The following LRRC40 variants were observed in gnomAD, a reference collection of about 807,000 sequenced individuals.
LRRC40 encodes the protein leucine-rich repeat-containing protein 40.
Under a neutral mutation model 72.8 loss-of-function variants are expected in LRRC40, and 76 were observed. The ratio of observed to expected loss-of-function variants is 1.04; its 90% confidence interval spans 0.87 to 1.26. The LOEUF (loss-of-function observed/expected upper bound fraction) is 1.26. LRRC40 is among the 50% of genes most tolerant of loss of function. The pLI, the probability that LRRC40 is intolerant of heterozygous loss-of-function variation, is 0.00. For synonymous variants in LRRC40, 243 were observed against 254.2 expected (o/e 0.96, Z 0.42); for missense variants, 684 against 698.9 (o/e 0.98, Z 0.24).
At chr1:70,185,712 T>C (rs1668345921) in intron 3 of LRRC40, among the ~76,000 whole-genome samples, 2 of 152,316 alleles carry the variant, frequency 1.3e-5, no homozygotes, top group South Asian at 2.1e-4. Context: ...CTATTTCTGT[T>C]TGAGGACCTA....
intron 1 of LRRC40, among the ~76,000 whole-genome samples, chr1:70,195,940 A>C (rs533536232): frequency 2.3e-4 from 35 of 152,160 alleles, no homozygotes; most frequent in Admixed American, 7.2e-4. Context: ...CAGGACCTAT[A>C]CTTACTACTA....
At chr1:70,163,330 G>A (rs1230683143) in intron 9 of LRRC40, among the ~76,000 whole-genome samples, 3 of 151,838 alleles carry the variant, frequency 2.0e-5, no homozygotes, top group Admixed American at 6.6e-5. Flanking sequence ...CTTCTGATCC[G>A]CCCACCTCGG....
intron 4 of LRRC40, among the ~76,000 whole-genome samples, chr1:70,184,264 T>A (rs973446387): frequency 3.3e-5 from 5 of 152,068 alleles, no homozygotes; most frequent in African/African-American, 1.2e-4. Flanking sequence ...AATAAAATAA[T>A]AATAAAAATA....
intron 14 of LRRC40, among the ~76,000 whole-genome samples, chr1:70,146,800 A>G (rs1432699708): frequency 6.6e-6 from 1 of 152,116 alleles, no homozygotes; most frequent in Admixed American, 6.5e-5. Context: ...ACATATATAA[A>G]TCTATTTACA....
intron 12 of LRRC40, 152 bp downstream of exon 12, chr1:70,152,281 A>G: frequency 2.0e-6 from 1 of 491,344 alleles, no homozygotes; most frequent in Non-Finnish European, 3.6e-6. Flanking sequence ...TTTCCTAAAC[A>G]CTATTTTTGG....
intron 10 of LRRC40, among the ~76,000 whole-genome samples, chr1:70,156,417 T>C (rs1383098994): frequency 1.3e-5 from 2 of 152,144 alleles, no homozygotes; most frequent in African/African-American, 4.8e-5. Flanking sequence ...CTTTATAACT[T>C]ACCTCCCCTG....
intron 1 of LRRC40, 74 bp downstream of exon 1, chr1:70,205,316 A>C: frequency 2.4e-5 from 34 of 1,401,768 alleles, no homozygotes; most frequent in African/African-American, 2.8e-5. Context: ...AAGCCAGCCC[A>C]GAGAAAAGGG....
In LRRC40 at chr1:70,189,328, C is replaced by T. The variant is rs138214141; in HGVS notation, c.152-55G>A. The T allele has an allele frequency of 5.2e-3, 6,677 of 1,290,318 alleles. 37 individuals are homozygous for T. Among genetic ancestry groups the T allele is most frequent in the Non-Finnish European group, 5.6e-3 (5,401 of 958,482 alleles). The allele number at this position is 1,290,318 out of a possible 1,614,324, so 79.9% of individuals were successfully genotyped here. On this transcript the variant is annotated intron_variant, in intron 1 of 14. Coordinates refer to ENST00000370952, the MANE Select transcript of LRRC40 (RefSeq NM_017768.5). ...AAAAAAAAAAAAAAAAAGATGAAAA[C>T]CAGAACTAGATACTAAGTGACATGC...
rs1278077122 is a variant in LRRC40 at position 70,205,372 on chromosome 1, C to T, written c.151+18G>A. ...TTTCTGACAGGAGACACAATAGGGT[C>T]GTACCTCTGGGTCTTACCTTCACTG... On this transcript the variant is annotated intron_variant, in intron 1 of 14. Coordinates refer to ENST00000370952, the MANE Select transcript of LRRC40 (RefSeq NM_017768.5). 6.4e-7 allele frequency: 1 copy of T among 1,563,418 alleles called. No individual in the cohort carries two copies. The highest frequency in any genetic ancestry group is 8.7e-7 in the Non-Finnish European group (1 of 1,143,224).
At chr1:70,148,427 CA>C (rs1420696121) in intron 14 of LRRC40, 59 bp downstream of exon 14, 1 of 1,077,412 alleles carries the variant, frequency 9.3e-7, no homozygotes, top group South Asian at 2.6e-5. Flanking sequence ...AAAAGAAAAA[CA>C]AATCACTTCA....
rs1368844625 is a variant in LRRC40 at position 70,151,119 on chromosome 1, T to C, written c.1517+9A>G. On this transcript the variant is annotated intron_variant, in intron 13 of 14. Transcript: ENST00000370952. Reference sequence around the variant, plus strand: ...ACAGAATAACAATTAGAATTGTCTGTTCTCTTACCTATTAAAGGAAAGATT... The same window carrying C: ...ACAGAATAACAATTAGAATTGTCTGCTCTCTTACCTATTAAAGGAAAGATT... 6.9e-7 allele frequency: 1 copy of C among 1,445,622 alleles called. No individual in the cohort carries two copies. Among genetic ancestry groups the C allele is most frequent in the Non-Finnish European group, 9.7e-7 (1 of 1,030,908 alleles). 89.5% of individuals were successfully genotyped at this position (1,445,622 alleles called of 1,614,324 possible).
At chr1:70,200,225 G>C (rs927910185) in intron 1 of LRRC40, among the ~76,000 whole-genome samples, 2 of 152,092 alleles carry the variant, frequency 1.3e-5, no homozygotes, top group Non-Finnish European at 2.9e-5. Context: ...CCAGTACTTC[G>C]GGAGGCCAAG....
chr1:70,194,968 G>T (rs1388634055), intron 1 of LRRC40, among the ~76,000 whole-genome samples: 1 of 151,950 alleles, frequency 6.6e-6, no homozygotes, highest in African/African-American at 2.4e-5. Context: ...TAATAAAAAA[G>T]GAATCATGTT....
intron 10 of LRRC40, among the ~76,000 whole-genome samples, chr1:70,158,364 G>A (rs1667686954): frequency 6.6e-6 from 1 of 152,098 alleles, no homozygotes. Flanking sequence ...GATGTTGGCT[G>A]TGTAGATTCT....
intron 1 of LRRC40, among the ~76,000 whole-genome samples, chr1:70,202,033 A>C (rs1337165530): frequency 6.6e-6 from 1 of 152,154 alleles, no homozygotes; most frequent in Non-Finnish European, 1.5e-5. Context: ...AATGGCCAAA[A>C]TCCAAAAACC....
chr1:70,181,518 C>A (rs1270528605), intron 4 of LRRC40, among the ~76,000 whole-genome samples: 5 of 151,998 alleles, frequency 3.3e-5, no homozygotes, highest in African/African-American at 1.2e-4. Context: ...TATTATGCAT[C>A]ATATTTTCAA....
intron 13 of LRRC40, among the ~76,000 whole-genome samples, chr1:70,149,164 C>G (rs537717719): frequency 1.3e-5 from 2 of 152,022 alleles, no homozygotes; most frequent in Non-Finnish European, 2.9e-5. Context: ...TCCAAGCAAC[C>G]CTGAAGATGC....
chr1:70,152,332 A>G (rs991218940), intron 12 of LRRC40, 101 bp downstream of exon 12: 4 of 650,200 alleles, frequency 6.2e-6, no homozygotes, highest in Non-Finnish European at 1.1e-5. Context: ...GCCAGTTTCC[A>G]TACATACCTA....
At chr1:70,149,537 CG>C (rs1325668980) in intron 13 of LRRC40, among the ~76,000 whole-genome samples, 1 of 152,110 alleles carries the variant, frequency 6.6e-6, no homozygotes, top group Non-Finnish European at 1.5e-5. Context: ...CCTGATAACA[CG>C]GAAGTTTAGG....
Sources: gnomAD v4.1 joint callset for allele counts (sites outside exome capture counted in the v4.1 genomes callset) on GRCh38, gnomAD v4.1.1 for gene constraint, MANE v1.5 for transcripts, NCBI Gene and HGNC (gene_info 2026-07-23, HGNC 2026-07-21) for gene names.